HS3ST4: variants seen among roughly 807,000 people sequenced by gnomAD.
The protein encoded by HS3ST4 is heparan sulfate-glucosamine 3-sulfotransferase 4, also known as heparan sulfate glucosamine 3-O-sulfotransferase 4.
In HS3ST4, 17 loss-of-function variants were observed where a neutral mutation model predicts 29.2. The observed-to-expected ratio is 0.58, with a 90% confidence interval of 0.40 to 0.87. The LOEUF (loss-of-function observed/expected upper bound fraction) is 0.87. HS3ST4 is among the 40% of genes least tolerant of loss of function. The probability of loss-of-function intolerance (pLI) is 0.00; values close to 1 mark genes in which losing one functional copy is unlikely to be tolerated. For synonymous variants in HS3ST4, 314 were observed against 285.7 expected (o/e 1.10, Z -1.00); for missense variants, 627 against 634.5 (o/e 0.99, Z 0.13).
intron 1 of HS3ST4, among the ~76,000 whole-genome samples, chr16:25,854,317 G>A (rs544062933): frequency 2.0e-5 from 3 of 152,108 alleles, no homozygotes; most frequent in Non-Finnish European, 2.9e-5. Context: ...GTAACTTCCT[G>A]ACATTGTCAT....
At chr16:25,950,348 A>G (rs62034465) in intron 1 of HS3ST4, among the ~76,000 whole-genome samples, 43,066 of 151,872 alleles carry the variant, frequency 0.28, 6,973 homozygotes, top group African/African-American at 0.42. Flanking sequence ...ACTGGATCTT[A>G]GTCATTTTTG....
At chr16:25,887,444 C>A (rs529682250) in intron 1 of HS3ST4, among the ~76,000 whole-genome samples, 4 of 152,032 alleles carry the variant, frequency 2.6e-5, no homozygotes, top group Non-Finnish European at 5.9e-5. Flanking sequence ...TAACCCCCAC[C>A]CTCTTAGTCA....
At chr16:25,799,029 A>G (rs1966906979) in intron 1 of HS3ST4, among the ~76,000 whole-genome samples, 2 of 152,230 alleles carry the variant, frequency 1.3e-5, no homozygotes, top group South Asian at 2.1e-4. Flanking sequence ...GTATATAAGC[A>G]GCAAGAATGG....
chr16:25,708,774 TC>T (rs1376943181), intron 1 of HS3ST4, among the ~76,000 whole-genome samples: 2 of 152,188 alleles, frequency 1.3e-5, no homozygotes, highest in Non-Finnish European at 2.9e-5. Context: ...TGTCAAAAGT[TC>T]CTTCCTTCTT....
intron 1 of HS3ST4, among the ~76,000 whole-genome samples, chr16:25,897,128 C>T (rs529524408): frequency 6.6e-6 from 1 of 152,240 alleles, no homozygotes; most frequent in Non-Finnish European, 1.5e-5. Context: ...CACACCTGCA[C>T]ATGTGCCCCC....
chr16:25,857,943 T>TCTTC (rs1967596092), intron 1 of HS3ST4, among the ~76,000 whole-genome samples: 4 of 53,574 alleles, frequency 7.5e-5, no homozygotes, highest in Admixed American at 7.5e-4. Context: ...TTTCTTTCTT[T>TCTTC]CTTTCTTTCT....
intron 1 of HS3ST4, among the ~76,000 whole-genome samples, chr16:25,895,547 C>T (rs552895809): frequency 5.9e-5 from 9 of 152,084 alleles, no homozygotes; most frequent in African/African-American, 1.7e-4. Context: ...GTGGCTGTCT[C>T]GGTTGTCTGG....
chr16:25,747,554 C>T (rs1012471856), intron 1 of HS3ST4, among the ~76,000 whole-genome samples: 3 of 152,202 alleles, frequency 2.0e-5, no homozygotes, highest in Non-Finnish European at 2.9e-5. Flanking sequence ...TTAATCCTCA[C>T]GACTCTTATC....
chr16:25,821,057 ATTTTT>A (rs1259738012), intron 1 of HS3ST4, among the ~76,000 whole-genome samples: 1 of 135,052 alleles, frequency 7.4e-6, no homozygotes. Flanking sequence ...GCGCCTTTGA[ATTTTT>A]TTTTTTTTTT....
At chr16:25,902,148 A>G (rs948565009) in intron 1 of HS3ST4, among the ~76,000 whole-genome samples, 2 of 152,116 alleles carry the variant, frequency 1.3e-5, no homozygotes, top group Admixed American at 6.5e-5. Context: ...CTCACTGTCC[A>G]TGGCCTTGAG....
intron 1 of HS3ST4, among the ~76,000 whole-genome samples, chr16:25,776,281 C>T (rs1389511485): frequency 6.6e-6 from 1 of 152,162 alleles, no homozygotes. Flanking sequence ...AAAAGTCAAC[C>T]TGGGAACTGC....
intron 1 of HS3ST4, among the ~76,000 whole-genome samples, chr16:26,011,693 TGTGTGTGTGTGAGA>T (rs1043937279): frequency 6.2e-5 from 6 of 97,436 alleles, no homozygotes; most frequent in African/African-American, 3.5e-4. Context: ...TGTGTGTGTG[TGTGTGTGTGTGAGA>T]GAGAGACAGA....
At chr16:25,707,064 T>C (rs970110222) in intron 1 of HS3ST4, among the ~76,000 whole-genome samples, 1 of 152,202 alleles carries the variant, frequency 6.6e-6, no homozygotes, top group Admixed American at 6.5e-5. Context: ...CCCTGTAGAC[T>C]CTACCCATCC....
chr16:26,048,298 A>G (rs766141803), intron 1 of HS3ST4, among the ~76,000 whole-genome samples: 11 of 152,240 alleles, frequency 7.2e-5, no homozygotes, highest in Non-Finnish European at 1.5e-4. Context: ...GGAGGAAGCA[A>G]TTCAGTCTAT....
At position 25,704,324 on chromosome 16, in the gene HS3ST4, G is replaced by T. The variant is rs370511790; in HGVS notation, c.734+11173G>T. The stretch of plus-strand genomic sequence containing the variant: ...CTAGTCTCCCCCAAAGGTTCCTATA[G>T]CACACAACATTATTTCATTTATTCC... On this transcript the variant is annotated intron_variant, in intron 1 of 1. Coordinates refer to ENST00000331351, the MANE Select transcript of HS3ST4 (RefSeq NM_006040.3). Among the ~76,000 whole-genome samples the T allele has an allele frequency of 4.6e-3, 706 of 152,238 alleles. 3 individuals carry two copies. Among genetic ancestry groups the T allele is most frequent in the South Asian group, 0.022 (106 of 4,826 alleles).
At chr16:25,837,129 G>A (rs907960024) in intron 1 of HS3ST4, among the ~76,000 whole-genome samples, 7 of 152,218 alleles carry the variant, frequency 4.6e-5, no homozygotes, top group Non-Finnish European at 8.8e-5. Context: ...CCCTTCTCCA[G>A]TATAACAGCT....
chr16:25,950,693 C>A (rs1968674771), intron 1 of HS3ST4, among the ~76,000 whole-genome samples: 1 of 152,068 alleles, frequency 6.6e-6, no homozygotes, highest in African/African-American at 2.4e-5. Flanking sequence ...AGACTGCATT[C>A]CTGAGCCCAG....
chr16:25,860,404 CAT>C (rs1967624772), intron 1 of HS3ST4, among the ~76,000 whole-genome samples: 1 of 152,192 alleles, frequency 6.6e-6, no homozygotes, highest in Admixed American at 6.5e-5. Flanking sequence ...AAAACCTGCA[CAT>C]GAGTGTTTAT....
chr16:25,818,891 A>G (rs1444262365), intron 1 of HS3ST4, among the ~76,000 whole-genome samples: 1 of 152,042 alleles, frequency 6.6e-6, no homozygotes, highest in Non-Finnish European at 1.5e-5. Context: ...GGATTCAGAG[A>G]TAGAGACAGA....
Sources: allele counts gnomAD v4.1 joint callset (sites outside exome capture counted in the v4.1 genomes callset), GRCh38; gene constraint gnomAD v4.1.1; transcripts MANE v1.5; gene names NCBI Gene and HGNC (gene_info 2026-07-23, HGNC 2026-07-21).